The following NALCN variants were observed in gnomAD, a reference collection of about 807,000 sequenced individuals.
NALCN encodes the protein sodium leak channel, non-selective, also known as sodium leak channel NALCN.
In NALCN, 111 loss-of-function variants were observed where a neutral mutation model predicts 225.3. The observed-to-expected ratio is 0.49, with a 90% confidence interval of 0.42 to 0.58. The LOEUF is 0.58. Among genes scored for constraint, NALCN ranks in the 20% least tolerant of loss-of-function variants. NALCN has a pLI of 0.00. For missense variants in NALCN, 1,378 were observed against 2,202.4 expected (o/e 0.63, Z 7.49); for synonymous variants, 764 against 769.0 (o/e 0.99, Z 0.11).
At chr13:101,147,814 G>T (rs1427150994) in intron 15 of NALCN, among the ~76,000 whole-genome samples, 2 of 151,992 alleles carry the variant, frequency 1.3e-5, no homozygotes, top group African/African-American at 4.8e-5. Context: ...TCCTTCAGTT[G>T]CTTGGAAACA....
chr13:101,313,439 T>C (rs569444629), intron 7 of NALCN, among the ~76,000 whole-genome samples: 1 of 152,230 alleles, frequency 6.6e-6, no homozygotes, highest in East Asian at 1.9e-4. Flanking sequence ...AAACGGCTAA[T>C]ATCCAGAATC....
At chr13:101,144,659 A>T (rs1290150264) in intron 16 of NALCN, 101 bp downstream of exon 16, 3 of 1,221,402 alleles carry the variant, frequency 2.5e-6, no homozygotes, top group African/African-American at 1.5e-5. Flanking sequence ...ATAGAAAGAA[A>T]CCCAACCCAC....
chr13:101,087,080 T>C lies in NALCN; in HGVS notation c.3489+2583A>G, dbSNP rs145840069. On this transcript the variant is annotated intron_variant, in intron 30 of 43. Coordinates refer to ENST00000251127, the MANE Select transcript of NALCN (RefSeq NM_052867.4). ...ATAAAAACCTCTGAAAGTTTATTAT[T>C]ATCAAGTTAGGTTAATAAATCAAAC... Among the ~76,000 whole-genome samples, 821 of 152,254 alleles carry C rather than the reference T, an allele frequency of 5.4e-3. 8 individuals carry two copies. The highest frequency in any genetic ancestry group is 0.019 in the African/African-American group (788 of 41,554).
chr13:101,363,181 T>A (rs1183443281), intron 6 of NALCN, among the ~76,000 whole-genome samples: 3 of 152,132 alleles, frequency 2.0e-5, no homozygotes, highest in Non-Finnish European at 4.4e-5. Flanking sequence ...ATCTACAGTT[T>A]CAATGCAATC....
At chr13:101,188,565 T>C (rs910268619) in intron 14 of NALCN, among the ~76,000 whole-genome samples, 17 of 151,574 alleles carry the variant, frequency 1.1e-4, no homozygotes, top group African/African-American at 4.1e-4. Context: ...TACATATATA[T>C]ACACACACAT....
intron 3 of NALCN, among the ~76,000 whole-genome samples, chr13:101,385,700 T>C (rs2046968319): frequency 6.6e-6 from 1 of 152,184 alleles, no homozygotes; most frequent in South Asian, 2.1e-4. Context: ...TATTTAATAC[T>C]AGTGCATTGA....
At chr13:101,411,600 G>A (rs1248866146) in intron 1 of NALCN, among the ~76,000 whole-genome samples, 5 of 151,930 alleles carry the variant, frequency 3.3e-5, no homozygotes, top group African/African-American at 4.8e-5. Context: ...CACCCATCTC[G>A]GCCTCCCAAA....
chr13:101,239,239 T>G (rs796513393), intron 11 of NALCN, among the ~76,000 whole-genome samples: 104 of 152,110 alleles, frequency 6.8e-4, no homozygotes, highest in African/African-American at 2.3e-3. Context: ...TTACAATTTA[T>G]GAAAGCACTA....
Position 101,367,317 on chromosome 13 carries a change from T to C in NALCN, c.644+9383A>G, listed in dbSNP as rs183915827. ...CTTAATTTCCAATTCAAACACTCCA[T>C]TCCTAATTCTAGAGTTTGCTCAAAG... On this transcript the variant is annotated intron_variant, in intron 6 of 43. Coordinates refer to ENST00000251127, the MANE Select transcript of NALCN (RefSeq NM_052867.4). 4.6e-5 allele frequency among the ~76,000 whole-genome samples: 7 copies of C among 152,176 alleles called. No individual in the cohort carries two copies. In the East Asian group the frequency reaches 1.4e-3, roughly 29 times the overall value.
chr13:101,135,280 T>C (rs1485062910), intron 17 of NALCN, among the ~76,000 whole-genome samples: 1 of 152,242 alleles, frequency 6.6e-6, no homozygotes, highest in African/African-American at 2.4e-5. Flanking sequence ...TATGATTATA[T>C]CTAATATAAA....
At chr13:101,273,806 AC>A (rs989239877) in intron 10 of NALCN, among the ~76,000 whole-genome samples, 3 of 150,148 alleles carry the variant, frequency 2.0e-5, no homozygotes, top group Non-Finnish European at 4.4e-5. Flanking sequence ...AATGGCGTGA[AC>A]CCAGGAGGCG....
At chr13:101,112,362 T>C (rs2035488027) in intron 18 of NALCN, among the ~76,000 whole-genome samples, 1 of 152,218 alleles carries the variant, frequency 6.6e-6, no homozygotes, top group Non-Finnish European at 1.5e-5. Flanking sequence ...TCTGATTTGC[T>C]AATGAGTGAA....
At chr13:101,285,911 T>A (rs576121855) in intron 9 of NALCN, among the ~76,000 whole-genome samples, 117 of 152,280 alleles carry the variant, frequency 7.7e-4, no homozygotes, top group South Asian at 2.7e-3. Flanking sequence ...TCTCTAATTG[T>A]GGCATAAAGG....
At chr13:101,319,503 T>A (rs1327220223) in intron 7 of NALCN, among the ~76,000 whole-genome samples, 1 of 152,204 alleles carries the variant, frequency 6.6e-6, no homozygotes, top group African/African-American at 2.4e-5. Context: ...TTTATCATAG[T>A]CAAAATATTG....
intron 18 of NALCN, among the ~76,000 whole-genome samples, chr13:101,122,658 T>C (rs2036034903): frequency 6.6e-6 from 1 of 152,254 alleles, no homozygotes; most frequent in Non-Finnish European, 1.5e-5. Flanking sequence ...TAAGAAAATA[T>C]TGGAGACTCT....
intron 30 of NALCN, among the ~76,000 whole-genome samples, chr13:101,088,753 C>T: frequency 6.6e-6 from 1 of 152,182 alleles, no homozygotes; most frequent in East Asian, 1.9e-4. Flanking sequence ...GAATGTTCTT[C>T]CCCAAACTCA....
chr13:101,093,014 A>G (rs1241191306), intron 28 of NALCN, among the ~76,000 whole-genome samples: 1 of 152,198 alleles, frequency 6.6e-6, no homozygotes, highest in African/African-American at 2.4e-5. Flanking sequence ...AGTGACAAGC[A>G]TACTAGCTGG....
chr13:101,175,023 A>C (rs890886325), intron 15 of NALCN, among the ~76,000 whole-genome samples: 4 of 152,160 alleles, frequency 2.6e-5, no homozygotes, highest in Non-Finnish European at 5.9e-5. Flanking sequence ...TTTTTTCTGC[A>C]ACTAGAAGCC....
rs146855046 is a variant in NALCN, at chr13:101,222,301, G to A, written c.1626+7092C>T. The stretch of plus-strand genomic sequence containing the variant: ...CTACAAGATATGGTCAGCCATAGGC[G>A]CTCACCCCCATCTCATCCTCTCATA... On this transcript the variant is annotated intron_variant, in intron 13 of 43. Transcript: ENST00000251127. Among the ~76,000 whole-genome samples, 8 of 152,034 alleles carry A rather than the reference G, an allele frequency of 5.3e-5. No homozygotes were observed. The East Asian group carries it at 5.8e-4, about 11-fold the overall frequency.
Sources: allele counts gnomAD v4.1 joint callset (sites outside exome capture counted in the v4.1 genomes callset), GRCh38; gene constraint gnomAD v4.1.1; transcripts MANE v1.5; gene names NCBI Gene and HGNC (gene_info 2026-07-23, HGNC 2026-07-21).